PRIMA1: variants seen among roughly 807,000 people sequenced by gnomAD.
The protein encoded by PRIMA1 is proline rich membrane anchor 1.
PRIMA1 carries 7 observed loss-of-function variants against 17.5 expected under a neutral mutation model. That is an observed-to-expected ratio of 0.40 (90% CI 0.23 to 0.75). The LOEUF is 0.75. Ranked by LOEUF, PRIMA1 falls within the 30% of genes least tolerant of loss-of-function variation. The pLI is 0.37. For missense variants in PRIMA1, 200 were observed against 201.8 expected, an observed-to-expected ratio of 0.99 and a Z score of 0.05; for synonymous variants, 97 against 77.9, an observed-to-expected ratio of 1.25 and a Z score of -1.29.
chr14:93,764,190 T>G (rs1884819257), intron 3 of PRIMA1, among the ~76,000 whole-genome samples: 1 of 151,824 alleles, frequency 6.6e-6, no homozygotes, highest in Non-Finnish European at 1.5e-5. Flanking sequence ...TGGCCCGCCC[T>G]CACCCCTCTG....
intron 4 of PRIMA1, among the ~76,000 whole-genome samples, chr14:93,724,034 G>A (rs2076059507): frequency 6.6e-6 from 1 of 152,146 alleles, no homozygotes; most frequent in Non-Finnish European, 1.5e-5. Context: ...ACAGGTGTAT[G>A]CCACCAAGCC....
intron 4 of PRIMA1, among the ~76,000 whole-genome samples, chr14:93,729,191 G>A (rs2076098434): frequency 6.6e-6 from 1 of 152,204 alleles, no homozygotes; most frequent in Non-Finnish European, 1.5e-5. Context: ...TTCAGCCCAG[G>A]TTCCAAAGGA....
Position 93,779,224 on chromosome 14 carries a change from G to GGGGGGGGGGGGGGGGGGGGA in PRIMA1, c.180_181insTCCCCCCCCCCCCCCCCCCC (p.Pro61SerfsTer41). 1 of 1,134,020 alleles carries GGGGGGGGGGGGGGGGGGGGA rather than the reference G, an allele frequency of 8.8e-7. No individual in the cohort carries two copies. The highest frequency in any genetic ancestry group is 1.6e-5 in the South Asian group (1 of 61,154). 70.2% of individuals were successfully genotyped at this position (1,134,020 alleles called of 1,614,324 possible). A position where few individuals can be genotyped will look rare whatever the true frequency, so the allele number is the denominator to read the frequency against. ...GGTGGCGGGGGTGGGGGCGGCGGGG[G>GGGGGGGGGGGGGGGGGGGGA]CAGCGGGGGAGGGGGCCGGCACTGG... is the stretch of plus-strand genomic sequence containing the variant. On this transcript the variant is annotated frameshift_variant, in exon 3 of 5. Coordinates refer to ENST00000393140, the MANE Select transcript of PRIMA1 (RefSeq NM_178013.4). LOFTEE classifies it high-confidence loss of function.
intron 3 of PRIMA1, among the ~76,000 whole-genome samples, chr14:93,768,256 C>T (rs1884951389): frequency 6.6e-6 from 1 of 152,150 alleles, no homozygotes; most frequent in African/African-American, 2.4e-5. Flanking sequence ...GGCCTAAACC[C>T]TGCAAACATA....
At chr14:93,775,347 G>T (rs1018650656) in intron 3 of PRIMA1, among the ~76,000 whole-genome samples, 1 of 152,232 alleles carries the variant, frequency 6.6e-6, no homozygotes, top group African/African-American at 2.4e-5. Flanking sequence ...CCGGGCCCTG[G>T]CACCATGCCC....
intron 3 of PRIMA1, among the ~76,000 whole-genome samples, chr14:93,770,583 A>G (rs1950969): frequency 0.9 from 137,346 of 152,274 alleles, 62,628 homozygotes; most frequent in Non-Finnish European, 0.96. Context: ...ATGGCATCTC[A>G]GGTCCACATA....
intron 3 of PRIMA1, among the ~76,000 whole-genome samples, chr14:93,775,491 G>GT (rs779347871): frequency 2.4e-4 from 36 of 152,172 alleles, no homozygotes; most frequent in Non-Finnish European, 3.8e-4. Context: ...TTGTTTTGTT[G>GT]TTTTTTGCTG....
At chr14:93,785,913 C>T (rs1474955874) in intron 2 of PRIMA1, among the ~76,000 whole-genome samples, 1 of 152,094 alleles carries the variant, frequency 6.6e-6, no homozygotes, top group Non-Finnish European at 1.5e-5. Context: ...TACACACACA[C>T]ACACACCCCT....
Position 93,726,830 on chromosome 14 carries a change from T to C in PRIMA1, c.360-5284A>G, listed in dbSNP as rs1253642083. 6.6e-6 allele frequency among the ~76,000 whole-genome samples: 1 copy of C among 151,960 alleles called. No individual in the cohort carries two copies. Among genetic ancestry groups the C allele is most frequent in the African/African-American group, 2.4e-5 (1 of 41,354 alleles). ...CTTCAACACACACACAATATACACA[T>C]ACACACATGTCCCTACACACATATG... On this transcript the variant is annotated intron_variant, in intron 4 of 4. Transcript: ENST00000393140. This position sits in a 1 kb window ranked among gnomAD's most constrained non-coding sequence, Gnocchi z 4.2.
chr14:93,784,612 G>A (rs1885469797), intron 2 of PRIMA1, among the ~76,000 whole-genome samples: 1 of 152,144 alleles, frequency 6.6e-6, no homozygotes, highest in Admixed American at 6.5e-5. Context: ...GCCTTACCTG[G>A]TGCTTCTTTC....
At chr14:93,725,146 C>T (rs565692111) in intron 4 of PRIMA1, among the ~76,000 whole-genome samples, 11 of 152,306 alleles carry the variant, frequency 7.2e-5, no homozygotes, top group African/African-American at 2.6e-4. Context: ...GCTGCTCAGC[C>T]AGTTTCCCAG....
intron 3 of PRIMA1, among the ~76,000 whole-genome samples, chr14:93,768,634 A>T (rs1211682234): frequency 6.6e-6 from 1 of 152,186 alleles, no homozygotes; most frequent in Non-Finnish European, 1.5e-5. Context: ...CAACCTTGGT[A>T]AATGTTCAAT....
At chr14:93,757,282 G>A (rs1194756886) in intron 3 of PRIMA1, among the ~76,000 whole-genome samples, 2 of 152,142 alleles carry the variant, frequency 1.3e-5, no homozygotes, top group East Asian at 3.9e-4. Flanking sequence ...CCTCTGACAC[G>A]GCCGCACTTG....
rs1469299678 is a variant in PRIMA1 at position 93,719,844 on chromosome 14, T to G, written c.*1600A>C. On this transcript the variant is annotated 3_prime_UTR_variant, in exon 5 of 5. Transcript: ENST00000393140. ...AAATGAGGAAAGAAGAAAACCCCTT[T>G]ATGGGAGGGTATGCCCTGGGCCTGT... 6.6e-6 allele frequency: 1 copy of G among 152,178 alleles called. No homozygotes were observed. Among genetic ancestry groups the G allele is most frequent in the African/African-American group, 2.4e-5 (1 of 41,386 alleles). 9.4% of individuals were successfully genotyped at this position (152,178 alleles called of 1,614,324 possible). A position where few individuals can be genotyped will look rare whatever the true frequency, so the allele number is the denominator to read the frequency against.
At chr14:93,780,120 G>A (rs900674540) in intron 2 of PRIMA1, among the ~76,000 whole-genome samples, 19 of 152,148 alleles carry the variant, frequency 1.2e-4, no homozygotes, top group African/African-American at 4.3e-4. Flanking sequence ...CCAGGCCCCC[G>A]GCCTCTGCAA....
intron 3 of PRIMA1, among the ~76,000 whole-genome samples, chr14:93,777,174 G>A (rs1885242770): frequency 6.6e-6 from 1 of 152,154 alleles, no homozygotes; most frequent in South Asian, 2.1e-4. Context: ...AGGCACACGA[G>A]GCCCTTCTAG....
chr14:93,731,908 C>T (rs1455723442), intron 4 of PRIMA1, among the ~76,000 whole-genome samples: 1 of 152,226 alleles, frequency 6.6e-6, no homozygotes, highest in Non-Finnish European at 1.5e-5. Flanking sequence ...CTGAAAGTGG[C>T]TCAACCACAA....
At chr14:93,740,266 T>C (rs1002134970) in intron 3 of PRIMA1, among the ~76,000 whole-genome samples, 14 of 152,242 alleles carry the variant, frequency 9.2e-5, no homozygotes, top group Admixed American at 6.5e-4. Flanking sequence ...GGATTCTCAT[T>C]TTCCCCATGA....
rs536215971 is a variant in PRIMA1, at chr14:93,763,644, G to A, written c.229+15532C>T. ...GAGGAGCGGGTAAGGGGCAGTGGGG[G>A]TGGATGTGGGGTGGATGCGTGCCCC... On this transcript the variant is annotated intron_variant, in intron 3 of 4. Coordinates refer to ENST00000393140, the MANE Select transcript of PRIMA1 (RefSeq NM_178013.4). Among the ~76,000 whole-genome samples the A allele has an allele frequency of 6.6e-5, 10 of 152,330 alleles. No individual in the cohort carries two copies. The South Asian group carries it at 1.5e-3, about 22-fold the overall frequency.
Sources: gnomAD v4.1 joint callset for allele counts (sites outside exome capture counted in the v4.1 genomes callset) on GRCh38, gnomAD v4.1.1 for gene constraint, Gnocchi (gnomAD v3.1) non-coding constraint, MANE v1.5 for transcripts, NCBI Gene and HGNC (gene_info 2026-07-23, HGNC 2026-07-21) for gene names.